AGBL1: variants seen among roughly 807,000 people sequenced by gnomAD.
AGBL1 encodes cytosolic carboxypeptidase 4.
A neutral mutation model predicts 118.9 loss-of-function variants in AGBL1; 130 were observed. The ratio of observed to expected loss-of-function variants is 1.09; its 90% CI spans 0.95 to 1.26. The LOEUF is 1.26. Among genes scored for constraint, AGBL1 ranks in the 50% most tolerant of loss-of-function variants. AGBL1 has a pLI of 0.00. For synonymous variants in AGBL1, 555 were observed against 478.9 expected, an observed-to-expected ratio of 1.16 and a Z score of -2.08; for missense variants, 1,584 against 1,298.1, an observed-to-expected ratio of 1.22 and a Z score of -3.38.
At chr15:86,234,550 CAAAAA>C (rs397854519) in intron 6 of AGBL1, among the ~76,000 whole-genome samples, 1 of 76,318 alleles carries the variant, frequency 1.3e-5, no homozygotes, top group African/African-American at 5.1e-5. Context: ...GACTCTATCT[CAAAAA>C]AAAAAAAAAA....
chr15:86,823,821 G>A (rs2078972734), intron 22 of AGBL1, among the ~76,000 whole-genome samples: 1 of 151,854 alleles, frequency 6.6e-6, no homozygotes, highest in African/African-American at 2.4e-5. Context: ...ACAGGCTAAA[G>A]GAGAAAAATC....
intron 5 of AGBL1, among the ~76,000 whole-genome samples, chr15:86,209,808 A>G (rs561934138): frequency 6.6e-6 from 1 of 152,264 alleles, no homozygotes; most frequent in East Asian, 1.9e-4. Context: ...CATTTAGCCC[A>G]TTTACATTTA....
chr15:86,710,699 G>A (rs1257220002), intron 22 of AGBL1, among the ~76,000 whole-genome samples: 1 of 152,140 alleles, frequency 6.6e-6, no homozygotes, highest in African/African-American at 2.4e-5. Context: ...TTTCAGATAG[G>A]TTTATAAGTA....
At chr15:86,861,045 G>A (rs941122066) in intron 22 of AGBL1, among the ~76,000 whole-genome samples, 6 of 152,102 alleles carry the variant, frequency 3.9e-5, no homozygotes, top group Non-Finnish European at 7.4e-5. Flanking sequence ...GAGGTCGCAG[G>A]GGTCTGTTGA....
intron 22 of AGBL1, among the ~76,000 whole-genome samples, chr15:86,702,766 G>A (rs1477161590): frequency 1.3e-5 from 2 of 151,970 alleles, no homozygotes; most frequent in Middle Eastern, 3.4e-3. Flanking sequence ...TGGTAATATA[G>A]TTCACTTGCT....
At chr15:86,831,781 C>T (rs2079107782) in intron 22 of AGBL1, among the ~76,000 whole-genome samples, 1 of 152,176 alleles carries the variant, frequency 6.6e-6, no homozygotes, top group Admixed American at 6.5e-5. Flanking sequence ...TGGTGGCCTG[C>T]TTCTCATACC....
intron 17 of AGBL1, chr15:86,312,204 G>T (rs1441210271): frequency 6.6e-6 from 1 of 152,220 alleles, no homozygotes; most frequent in Non-Finnish European, 1.5e-5. Context: ...TGAAAGCAGG[G>T]ATTGGATTCA....
At chr15:86,963,942 G>C (rs1023884432) in intron 23 of AGBL1, among the ~76,000 whole-genome samples, 3 of 150,422 alleles carry the variant, frequency 2.0e-5, no homozygotes, top group Non-Finnish European at 4.4e-5. Context: ...TAATACATTG[G>C]CATAATTTAA....
chr15:86,830,596 C>G (rs1310950994), intron 22 of AGBL1, among the ~76,000 whole-genome samples: 1 of 152,132 alleles, frequency 6.6e-6, no homozygotes, highest in African/African-American at 2.4e-5. Context: ...ATAAGTTCTC[C>G]CTGATCTAGC....
At chr15:86,773,917 C>G (rs545975841) in intron 22 of AGBL1, among the ~76,000 whole-genome samples, 2 of 152,172 alleles carry the variant, frequency 1.3e-5, no homozygotes, top group African/African-American at 4.8e-5. Flanking sequence ...ATTTAACAAG[C>G]CATGGGAAAT....
chr15:86,216,258 A>G (rs1440239606), intron 5 of AGBL1, among the ~76,000 whole-genome samples: 3 of 151,982 alleles, frequency 2.0e-5, no homozygotes, highest in Non-Finnish European at 4.4e-5. Flanking sequence ...TTATTTATTC[A>G]TTTATGCTTA....
chr15:87,023,054 A>G (rs1457305427), intron 24 of AGBL1, among the ~76,000 whole-genome samples: 1 of 152,060 alleles, frequency 6.6e-6, no homozygotes, highest in Non-Finnish European at 1.5e-5. Flanking sequence ...TAAAAATACC[A>G]TTTAAAAAAT....
chr15:86,617,760 GCACACACACACACA>G (rs5814253), intron 21 of AGBL1, among the ~76,000 whole-genome samples: 5 of 146,832 alleles, frequency 3.4e-5, no homozygotes, highest in Non-Finnish European at 6.0e-5. Context: ...AACTTTATGC[GCACACACACACACA>G]CACACACACA....
At chr15:86,472,339 G>C (rs1218847077) in intron 18 of AGBL1, among the ~76,000 whole-genome samples, 1 of 152,094 alleles carries the variant, frequency 6.6e-6, no homozygotes, top group East Asian at 1.9e-4. Context: ...TTACTCCTTT[G>C]CTTCTATGGC....
chr15:86,369,805 T>TA (rs953223288), intron 17 of AGBL1, among the ~76,000 whole-genome samples: 2 of 152,046 alleles, frequency 1.3e-5, no homozygotes, highest in African/African-American at 4.8e-5. Flanking sequence ...TACTGTATAA[T>TA]AAAAAATACA....
chr15:86,415,224 G>A (rs1315644034), intron 18 of AGBL1, among the ~76,000 whole-genome samples: 3 of 152,132 alleles, frequency 2.0e-5, no homozygotes, highest in Admixed American at 1.3e-4. Context: ...CTTCCTGTAG[G>A]GAGGGTATAC....
At chr15:86,794,527 C>T (rs748021865) in intron 22 of AGBL1, among the ~76,000 whole-genome samples, 6 of 151,836 alleles carry the variant, frequency 4.0e-5, no homozygotes, top group South Asian at 2.1e-4. Flanking sequence ...TAGATAGTGG[C>T]GGATAATTGC....
intron 22 of AGBL1, among the ~76,000 whole-genome samples, chr15:86,831,831 G>A (rs760940580): frequency 6.6e-6 from 1 of 152,196 alleles, no homozygotes; most frequent in Non-Finnish European, 1.5e-5. Context: ...CTGTGTGGGG[G>A]CTTGCACCCC....
intron 21 of AGBL1, among the ~76,000 whole-genome samples, chr15:86,600,080 G>A (rs1370172927): frequency 6.6e-6 from 1 of 152,114 alleles, no homozygotes. Context: ...ATAGTAAAAA[G>A]TAATTGCTTC....
Sources: allele counts gnomAD v4.1 joint callset (sites outside exome capture counted in the v4.1 genomes callset), GRCh38; gene constraint gnomAD v4.1.1; transcripts MANE v1.5; gene names NCBI Gene and HGNC (gene_info 2026-07-23, HGNC 2026-07-21).